The following SGCD variants were observed in gnomAD, a reference collection of about 807,000 sequenced individuals.
SGCD encodes delta-sarcoglycan.
Under a neutral mutation model 36.6 loss-of-function variants are expected in SGCD, and 18 were observed. That is an observed-to-expected ratio of 0.49 (90% CI 0.34 to 0.73). The LOEUF (loss-of-function observed/expected upper bound fraction) is 0.73, where lower values mean the gene tolerates loss of function less well. Among genes scored for constraint, SGCD ranks in the 30% least tolerant of loss-of-function variants. The probability of loss-of-function intolerance (pLI) is 0.01; values close to 1 mark genes in which losing one functional copy is unlikely to be tolerated. For missense variants in SGCD, 387 were observed against 346.7 expected (o/e 1.12, Z -0.92); for synonymous variants, 133 against 130.6 (o/e 1.02, Z -0.12).
chr5:155,750,723 T>C, the SGCD span, among the ~76,000 whole-genome samples: 2 of 152,154 alleles, frequency 1.3e-5, no homozygotes. Flanking sequence ...CTTTGTAGAG[T>C]AGCAAACACT....
At chr5:156,722,882 T>C (rs556768875) in intron 7 of SGCD, among the ~76,000 whole-genome samples, 3 of 152,356 alleles carry the variant, frequency 2.0e-5, no homozygotes, top group East Asian at 3.9e-4. Context: ...TATCACCTTT[T>C]TGTGGGGACC....
intron 3 of SGCD, among the ~76,000 whole-genome samples, chr5:156,493,079 A>G (rs1486608236): frequency 1.3e-5 from 2 of 152,172 alleles, no homozygotes; most frequent in Non-Finnish European, 2.9e-5. Context: ...GTATATACCC[A>G]GTAATGGGAT....
intron 3 of SGCD, among the ~76,000 whole-genome samples, chr5:156,363,559 A>AT (rs1389863682): frequency 6.6e-6 from 1 of 152,082 alleles, no homozygotes; most frequent in East Asian, 1.9e-4. Flanking sequence ...AATAGCTATT[A>AT]TTTTTTTAAA....
At chr5:155,828,452 T>G in the SGCD span, among the ~76,000 whole-genome samples, 1 of 152,150 alleles carries the variant, frequency 6.6e-6, no homozygotes, top group African/African-American at 2.4e-5. Context: ...ATTTTTGAAA[T>G]AAACCAACGC....
intron 2 of SGCD, among the ~76,000 whole-genome samples, chr5:156,335,133 C>T (rs1768277960): frequency 6.6e-6 from 1 of 152,118 alleles, no homozygotes; most frequent in South Asian, 2.1e-4. Flanking sequence ...TCTGCTAATT[C>T]CTGGTAGAAA....
At chr5:156,255,233 A>G (rs1765686256) in intron 3 of SGCD, among the ~76,000 whole-genome samples, 2 of 152,218 alleles carry the variant, frequency 1.3e-5, no homozygotes, top group Non-Finnish European at 2.9e-5. Context: ...GATAAGTGAT[A>G]CTTAATCTGT....
intron 6 of SGCD, among the ~76,000 whole-genome samples, chr5:156,642,670 T>C (rs1763080387): frequency 6.6e-6 from 1 of 151,960 alleles, no homozygotes; most frequent in African/African-American, 2.4e-5. Flanking sequence ...GGTTTCATCA[T>C]GTTGGCCAGG....
chr5:156,454,016 G>A (rs184124744), intron 3 of SGCD, among the ~76,000 whole-genome samples: 9 of 152,278 alleles, frequency 5.9e-5, no homozygotes, highest in Admixed American at 5.9e-4. Flanking sequence ...GAAGTGTTCT[G>A]TATCTTAGTT....
chr5:156,614,633 A>T (rs1761956692), intron 6 of SGCD, among the ~76,000 whole-genome samples: 1 of 152,098 alleles, frequency 6.6e-6, no homozygotes, highest in Admixed American at 6.6e-5. Context: ...TTATGTTCAC[A>T]TTTCTGTGGG....
intron 4 of SGCD, among the ~76,000 whole-genome samples, chr5:156,537,844 GA>G (rs71577201): frequency 0.027 from 3,986 of 146,962 alleles, 128 homozygotes; most frequent in African/African-American, 0.077. Context: ...TGAATGGAAA[GA>G]AAAAAAAAAA....
chr5:156,539,396 C>T (rs1175376876), intron 4 of SGCD, among the ~76,000 whole-genome samples: 2 of 151,912 alleles, frequency 1.3e-5, no homozygotes, highest in African/African-American at 4.8e-5. Context: ...ATGTAGTCTT[C>T]TATCCCTCAC....
intron 3 of SGCD, among the ~76,000 whole-genome samples, chr5:156,361,293 T>A (rs1022213187): frequency 6.6e-6 from 1 of 152,232 alleles, no homozygotes; most frequent in Admixed American, 6.5e-5. Flanking sequence ...GGAAAAATCC[T>A]GATGTGCACA....
chr5:156,216,153 G>C (rs1581173474), intron 3 of SGCD, among the ~76,000 whole-genome samples: 1 of 152,100 alleles, frequency 6.6e-6, no homozygotes, highest in Non-Finnish European at 1.5e-5. Flanking sequence ...GTGGAATTGT[G>C]GTTATTAAGA....
At chr5:156,332,400 G>T (rs1245012427) in intron 2 of SGCD, among the ~76,000 whole-genome samples, 2 of 152,160 alleles carry the variant, frequency 1.3e-5, no homozygotes, top group South Asian at 4.1e-4. Context: ...GGTGGCCTGT[G>T]GTCAGCTCCT....
At chr5:156,547,270 C>T (rs1758612189) in intron 4 of SGCD, among the ~76,000 whole-genome samples, 1 of 152,084 alleles carries the variant, frequency 6.6e-6, no homozygotes, top group African/African-American at 2.4e-5. Flanking sequence ...CACTAGATTT[C>T]CATAGCACCC....
chr5:156,510,567 G>A (rs1756885418), intron 4 of SGCD, among the ~76,000 whole-genome samples: 1 of 151,944 alleles, frequency 6.6e-6, no homozygotes, highest in African/African-American at 2.4e-5. Flanking sequence ...TACCTTTTCT[G>A]TAAAGGGCCA....
chr5:156,708,341 C>G (rs1754832594), intron 7 of SGCD, among the ~76,000 whole-genome samples: 1 of 150,130 alleles, frequency 6.7e-6, no homozygotes, highest in Non-Finnish European at 1.5e-5. Context: ...ATTTTTGATA[C>G]TGCTGGAGAG....
chr5:156,552,704 A>G (rs1453762212), intron 4 of SGCD, among the ~76,000 whole-genome samples: 2 of 152,150 alleles, frequency 1.3e-5, no homozygotes, highest in African/African-American at 2.4e-5. Context: ...TCTCCCTGAG[A>G]TAGCAATAAT....
At chr5:155,772,838 C>A in the SGCD span, among the ~76,000 whole-genome samples, 5,925 of 152,050 alleles carry the variant, frequency 0.039, 362 homozygotes, top group African/African-American at 0.13. Flanking sequence ...TATTGAAATG[C>A]AAATAGAACC....
Sources: allele counts gnomAD v4.1 joint callset (sites outside exome capture counted in the v4.1 genomes callset), GRCh38; gene constraint gnomAD v4.1.1; transcripts MANE v1.5; gene names NCBI Gene and HGNC (gene_info 2026-07-23, HGNC 2026-07-21).